Variants in RNF19B observed in about 807,000 individuals in gnomAD.
RNF19B encodes E3 ubiquitin-protein ligase RNF19B.
Under a neutral mutation model 65.5 loss-of-function variants are expected in RNF19B, and 23 were observed. The observed-to-expected ratio is 0.35, with a 90% confidence interval of 0.25 to 0.50. The LOEUF is 0.50. Ranked by LOEUF, RNF19B falls within the 20% of genes least tolerant of loss-of-function variation. The probability of loss-of-function intolerance (pLI) is 0.98; values close to 1 mark genes in which losing one functional copy is unlikely to be tolerated. For synonymous variants in RNF19B, 372 were observed against 379.6 expected, an observed-to-expected ratio of 0.98 and a Z score of 0.23; for missense variants, 794 against 980.0, an observed-to-expected ratio of 0.81 and a Z score of 2.53.
chr1:32,964,453 T>C lies in RNF19B; in HGVS notation c.233A>G (p.Glu78Gly). 2 of 997,058 alleles carry C rather than the reference T, an allele frequency of 2.0e-6. No individual in the cohort carries two copies. The highest frequency in any genetic ancestry group is 2.4e-6 in the Non-Finnish European group (2 of 840,324). The allele number at this position is 997,058 out of a possible 1,614,324, so 61.8% of individuals were successfully genotyped here. Residue 78 changes from glutamate (E) to glycine (G), a missense_variant, in exon 1 of 9, where the codon GAG becomes GGG. This residue lies in a region of RNF19B where 374 missense variants were observed against 423.8 expected (regional missense o/e 0.88). Coordinates refer to ENST00000235150, the MANE Select transcript of RNF19B (RefSeq NM_001300826.2). The surrounding 1 kb of genome is among the most constrained non-coding windows in gnomAD (Gnocchi z 6.5). ...APAAAQGPPP[E>G]ALPAEPAAEA... ...GGCGGCCGGCTCGGCGGGCAGCGCC[T>C]CGGGCGGCGGGCCCTGGGCCGCGGC...
chr1:32,945,727 T>C (rs2124135321), intron 4 of RNF19B, 99 bp from the exon 5 acceptor site: 2 of 640,706 alleles, frequency 3.1e-6, no homozygotes, highest in East Asian at 2.8e-5. Context: ...AAGTTATCTA[T>C]ATTAAAACAT....
chr1:32,959,404 G>A (rs1042806260), intron 1 of RNF19B, among the ~76,000 whole-genome samples: 3 of 152,300 alleles, frequency 2.0e-5, no homozygotes, highest in Admixed American at 2.0e-4. Flanking sequence ...ATTAGCAACA[G>A]GATACTTGAG....
In RNF19B at chr1:32,955,322, T is replaced by C. The variant is rs189724853; in HGVS notation, c.636-5548A>G. On this transcript the variant is annotated intron_variant, in intron 1 of 8. Coordinates refer to ENST00000235150, the MANE Select transcript of RNF19B (RefSeq NM_001300826.2). The stretch of plus-strand genomic sequence containing the variant: ...TCTTTTCAATGTATCCATGTATCTA[T>C]TGGCTTATTATATGCCAGGTACTAT... 6.4e-4 allele frequency among the ~76,000 whole-genome samples: 98 copies of C among 152,214 alleles called. 2 individuals are homozygous for C. Among genetic ancestry groups the C allele is most frequent in the Middle Eastern group, 3.4e-3 (1 of 294 alleles).
chr1:32,955,447 C>T (rs1006219050), intron 1 of RNF19B, among the ~76,000 whole-genome samples: 7 of 151,730 alleles, frequency 4.6e-5, no homozygotes, highest in Admixed American at 2.0e-4. Context: ...AAAAAAACCT[C>T]GCCTGGGCAT....
intron 1 of RNF19B, among the ~76,000 whole-genome samples, chr1:32,955,341 G>A (rs1642609784): frequency 6.6e-6 from 1 of 151,942 alleles, no homozygotes; most frequent in South Asian, 2.1e-4. Flanking sequence ...TATATGCCAG[G>A]TACTATAACC....
chr1:32,941,496 C>T (rs1200109866), intron 7 of RNF19B, among the ~76,000 whole-genome samples: 1 of 152,102 alleles, frequency 6.6e-6, no homozygotes, highest in Non-Finnish European at 1.5e-5. Flanking sequence ...GCCAAGATTG[C>T]ACCATTGCAC....
At chr1:32,942,504 A>G in intron 6 of RNF19B, 45 bp from the exon 7 acceptor site, 1 of 1,538,388 alleles carries the variant, frequency 6.5e-7, no homozygotes, top group East Asian at 2.3e-5. Flanking sequence ...CAGAGCATCA[A>G]AACAGTCAGT....
At chr1:32,934,739 CAAAGTA>C (rs1184577653), downstream of RNF19B, among the ~76,000 whole-genome samples, 1 of 152,154 alleles carries the variant, frequency 6.6e-6, no homozygotes, top group African/African-American at 2.4e-5. Context: ...CTGACTCATA[CAAAGTA>C]AGTCACTCTA....
Position 32,936,585 on chromosome 1 carries a change from TAA to T in RNF19B, c.*219_*220del. On this transcript the variant is annotated 3_prime_UTR_variant, in exon 9 of 9. Coordinates refer to ENST00000235150, the MANE Select transcript of RNF19B (RefSeq NM_001300826.2). ...ATCAGTTTAACCAATAAATTAAAAC[TAA>T]AAAGAGGGAGGGGAGGGGAGGGGAA... The T allele has an allele frequency of 2.1e-6, 1 of 468,932 alleles. No homozygotes were observed. The allele number at this position is 468,932 out of a possible 1,614,324, so 29.0% of individuals were successfully genotyped here.
chr1:32,948,515 G>A lies in RNF19B; in HGVS notation c.842-152C>T, dbSNP rs114105212. 5.4e-3 allele frequency: 3,988 copies of A among 733,676 alleles called. 114 individuals carry two copies. The African/African-American group carries it at 0.062, about 11-fold the overall frequency. The allele number at this position is 733,676 out of a possible 1,614,324, so 45.4% of individuals were successfully genotyped here. A position where few individuals can be genotyped will look rare whatever the true frequency, so the allele number is the denominator to read the frequency against. ...AATTGTACAACCCACTTTACTGGAA[G>A]GTTGGCTATGTCTAGACCTCAGGAA... On this transcript the variant is annotated intron_variant, in intron 2 of 8. Coordinates refer to ENST00000235150, the MANE Select transcript of RNF19B (RefSeq NM_001300826.2).
At position 32,964,790 on chromosome 1, in the gene RNF19B, T is replaced by C; in HGVS notation, c.-105A>G. The C allele has an allele frequency of 9.3e-7, 1 of 1,075,224 alleles. No homozygotes were observed. The allele number at this position is 1,075,224 out of a possible 1,614,324, so 66.6% of individuals were successfully genotyped here. ...CGCCGCCGACGCCGCCACCACCGCC[T>C]CAACCGCCCTCCCGGCGATAGAAGC... On this transcript the variant is annotated 5_prime_UTR_variant, in exon 1 of 9. Coordinates refer to ENST00000235150, the MANE Select transcript of RNF19B (RefSeq NM_001300826.2). The surrounding 1 kb of genome is among the most constrained non-coding windows in gnomAD (Gnocchi z 6.5).
intron 1 of RNF19B, among the ~76,000 whole-genome samples, chr1:32,950,464 TAG>T (rs1642467121): frequency 1.3e-5 from 2 of 152,344 alleles, no homozygotes; most frequent in South Asian, 4.1e-4. Context: ...TTGCTATATT[TAG>T]AGAGATTAGT....
At position 32,964,594 on chromosome 1, in the gene RNF19B, C is replaced by T; in HGVS notation, c.92G>A (p.Arg31Gln). The change falls in exon 1 of 9, where the codon CGG becomes CAG. Residue 31 changes from arginine to glutamine, a missense_variant. Physicochemically the swap from Arg to Gln is conservative, Grantham distance 43 (BLOSUM62 1). Around this residue, in one of 3 missense-constraint regions of RNF19B, gnomAD observed 374 missense variants for 423.8 expected, o/e 0.88. Transcript: ENST00000235150. This position sits in a 1 kb window ranked among gnomAD's most constrained non-coding sequence, Gnocchi z 6.5. ...DPKCRSGGRR[R>Q]RLTLHSVFSA... ...GAAGACGCTGTGCAAGGTGAGGCGC[C>T]GGCGCCGGCCGCCGCTGCGGCACTT... is the stretch of plus-strand genomic sequence containing the variant. 2.8e-6 allele frequency: 4 copies of T among 1,448,844 alleles called. No individual in the cohort carries two copies. In the South Asian group the frequency reaches 3.9e-5, roughly 14 times the overall value. 89.7% of individuals were successfully genotyped at this position (1,448,844 alleles called of 1,614,324 possible). A position where few individuals can be genotyped will look rare whatever the true frequency, so the allele number is the denominator to read the frequency against.
intron 2 of RNF19B, among the ~76,000 whole-genome samples, 189 bp from the exon 3 acceptor site, chr1:32,948,552 T>C (rs1642420560): frequency 6.6e-6 from 1 of 152,210 alleles, no homozygotes; most frequent in African/African-American, 2.4e-5. Context: ...TTTCATAAAA[T>C]GAATCCTGTC....
At chr1:32,951,470 T>C (rs1045906850) in intron 1 of RNF19B, among the ~76,000 whole-genome samples, 6 of 151,712 alleles carry the variant, frequency 4.0e-5, no homozygotes, top group Admixed American at 6.6e-5. Flanking sequence ...CAGGAGCAGT[T>C]GGGGTCCATT....
chr1:32,936,880 C>T lies in RNF19B; in HGVS notation c.2122G>A (p.Ala708Thr). 1 of 1,612,882 alleles carries T rather than the reference C, an allele frequency of 6.2e-7. No homozygotes were observed. The highest frequency in any genetic ancestry group is 8.5e-7 in the Non-Finnish European group (1 of 1,179,278). ...PRAQGAPSPS[A>T]HMNLSALAEG... ...GCTAGGGCAGAGAGGTTCATATGGGCACTTGGGCTCGGTGCACCTTGGGCT... is the reference window on the plus strand; with the variant it reads ...GCTAGGGCAGAGAGGTTCATATGGGTACTTGGGCTCGGTGCACCTTGGGCT... Residue 708 changes from alanine (A) to threonine (T), a missense_variant, in exon 9 of 9, where the codon GCC becomes ACC. Physicochemically the swap from Ala to Thr is moderately conservative, Grantham distance 58. Around this residue, in one of 3 missense-constraint regions of RNF19B, gnomAD observed 368 missense variants for 447.3 expected, o/e 0.82. Coordinates refer to ENST00000235150, the MANE Select transcript of RNF19B (RefSeq NM_001300826.2).
chr1:32,932,219 A>C (rs1487946823), downstream of RNF19B, among the ~76,000 whole-genome samples: 1 of 152,198 alleles, frequency 6.6e-6, no homozygotes, highest in Admixed American at 6.5e-5. Flanking sequence ...CTGCCACCAT[A>C]GGGGAGATGA....
intron 5 of RNF19B, among the ~76,000 whole-genome samples, chr1:32,944,507 C>T (rs1373046907): frequency 6.6e-6 from 1 of 152,160 alleles, no homozygotes; most frequent in South Asian, 2.1e-4. Flanking sequence ...AATCAAGAGC[C>T]AATCAAGAAT....
Position 32,936,952 on chromosome 1 carries a change from A to C in RNF19B, c.2050T>G (p.Cys684Gly). The change falls in exon 9 of 9, where the codon TGT becomes GGT. Residue 684 changes from cysteine (C) to glycine (G), a missense_variant. Physicochemically the swap from Cys to Gly is radical, Grantham distance 159 (BLOSUM62 -3). This residue lies in a region of RNF19B where 368 missense variants were observed against 447.3 expected (regional missense o/e 0.82). Coordinates refer to ENST00000235150, the MANE Select transcript of RNF19B (RefSeq NM_001300826.2). Reference protein sequence around the residue: ...DDVPDITSDECGSPRSHTAAC... With the variant: ...DDVPDITSDEGGSPRSHTAAC... ...GCAGTATGGGAGCGGGGGGAGCCAC[A>C]CTCATCTGAGGTGATGTCTGGCACA... The C allele has an allele frequency of 3.7e-6, 6 of 1,613,708 alleles. No homozygotes were observed. The highest frequency in any genetic ancestry group is 5.1e-6 in the Non-Finnish European group (6 of 1,179,930).
Sources: allele counts gnomAD v4.1 joint callset (sites outside exome capture counted in the v4.1 genomes callset), GRCh38; gene constraint gnomAD v4.1.1; regional missense constraint gnomAD v4.1.1; non-coding constraint Gnocchi (gnomAD v3.1); transcripts MANE v1.5; gene names NCBI Gene and HGNC (gene_info 2026-07-23, HGNC 2026-07-21).